THADA: variants seen among roughly 807,000 people sequenced by gnomAD.
THADA encodes THADA armadillo repeat containing.
Under a neutral mutation model 219.8 loss-of-function variants are expected in THADA, and 213 were observed. The observed-to-expected ratio is 0.97, with a 90% CI of 0.87 to 1.09. The LOEUF is 1.09. Ranked by LOEUF, THADA falls within the 50% of genes least tolerant of loss-of-function variation. THADA has a pLI of 0.00. For missense variants in THADA, 2,956 were observed against 2,311.3 expected, an observed-to-expected ratio of 1.28 and a Z score of -5.72; for synonymous variants, 1,018 against 828.9, an observed-to-expected ratio of 1.23 and a Z score of -3.92.
intron 28 of THADA, among the ~76,000 whole-genome samples, chr2:43,425,169 C>T (rs1678248806): frequency 1.3e-5 from 2 of 152,182 alleles, no homozygotes; most frequent in African/African-American, 4.8e-5. Context: ...AATTCTAGCT[C>T]TGTAACTGCC....
chr2:43,308,300 A>T (rs1677087398), intron 31 of THADA, among the ~76,000 whole-genome samples: 1 of 152,242 alleles, frequency 6.6e-6, no homozygotes, highest in African/African-American at 2.4e-5. Context: ...AAAAAAAAAG[A>T]ATGAGCATCA....
intron 29 of THADA, among the ~76,000 whole-genome samples, chr2:43,387,085 T>C (rs1672780528): frequency 2.0e-5 from 3 of 152,100 alleles, no homozygotes; most frequent in Admixed American, 6.6e-5. Context: ...TTAGAGAAGA[T>C]TCATTCACAC....
intron 12 of THADA, among the ~76,000 whole-genome samples, chr2:43,572,389 T>G (rs527364240): frequency 6.6e-6 from 1 of 152,344 alleles, no homozygotes; most frequent in East Asian, 1.9e-4. Context: ...AGCAATGTTC[T>G]TAATCATCCT....
At chr2:43,539,358 G>C (rs1278244307) in intron 21 of THADA, among the ~76,000 whole-genome samples, 1 of 152,182 alleles carries the variant, frequency 6.6e-6, no homozygotes, top group Non-Finnish European at 1.5e-5. Flanking sequence ...ACTCTTAAAG[G>C]TTTTAAGCAC....
At chr2:43,407,831 G>A (rs1675762427) in intron 28 of THADA, among the ~76,000 whole-genome samples, 1 of 151,856 alleles carries the variant, frequency 6.6e-6, no homozygotes. Context: ...AAATATATGT[G>A]GGTTTTCACT....
chr2:43,308,873 A>G (rs112388262), intron 31 of THADA, among the ~76,000 whole-genome samples: 48 of 151,878 alleles, frequency 3.2e-4, no homozygotes, highest in African/African-American at 1.1e-3. Flanking sequence ...ACAAAACTTT[A>G]GAAGAAGTTT....
chr2:43,516,784 T>G (rs923133166), intron 22 of THADA, among the ~76,000 whole-genome samples: 14 of 152,056 alleles, frequency 9.2e-5, no homozygotes, highest in Non-Finnish European at 1.8e-4. Context: ...CTATCAACTC[T>G]CTAATATTTG....
intron 15 of THADA, among the ~76,000 whole-genome samples, chr2:43,561,540 C>T (rs1431775881): frequency 2.0e-5 from 3 of 152,188 alleles, no homozygotes; most frequent in Non-Finnish European, 4.4e-5. Flanking sequence ...CACAAGTGAA[C>T]TCCTAATGAA....
intron 1 of THADA, chr2:43,593,032 A>G (rs1426796629): frequency 6.6e-6 from 1 of 152,242 alleles, no homozygotes; most frequent in Non-Finnish European, 1.5e-5. Context: ...GTACCATGCC[A>G]TCTGGAAAGA....
At chr2:43,231,384 A>ATC in intron 37 of THADA, 41 bp from the exon 38 acceptor site, 1 of 1,474,124 alleles carries the variant, frequency 6.8e-7, no homozygotes. Context: ...CTTACAGGGA[A>ATC]TGGTGACAAG....
intron 26 of THADA, among the ~76,000 whole-genome samples, chr2:43,431,079 T>C (rs866896806): frequency 3.9e-5 from 6 of 152,190 alleles, no homozygotes; most frequent in African/African-American, 1.4e-4. Flanking sequence ...TCAAGCTAAA[T>C]ATGGCATTTA....
Position 43,560,338 on chromosome 2 carries a change from G to A in THADA, c.2359C>T (p.Arg787Cys), listed in dbSNP as rs1486748456. ...YQLSHDIDVG[R>C]FQTLMECFTS... ...AAACATTCCATTAGTGTTTGGAAAC[G>A]ACCAACATCAATATCATGACTCAGC... Residue 787 changes from arginine to cysteine, a missense_variant, in exon 16 of 38, where the codon CGT (arginine) becomes TGT (cysteine). Transcript: ENST00000405975. 4.3e-6 allele frequency: 7 copies of A among 1,611,698 alleles called. No homozygotes were observed. Among genetic ancestry groups the A allele is most frequent in the Non-Finnish European group, 3.4e-6 (4 of 1,178,786 alleles).
At chr2:43,458,503 T>C (rs1683271784) in intron 26 of THADA, among the ~76,000 whole-genome samples, 1 of 152,168 alleles carries the variant, frequency 6.6e-6, no homozygotes, top group South Asian at 2.1e-4. Flanking sequence ...ACCATTAGGA[T>C]CAAATGAGAT....
At chr2:43,363,591 A>G (rs1178947149) in intron 29 of THADA, among the ~76,000 whole-genome samples, 1 of 152,210 alleles carries the variant, frequency 6.6e-6, no homozygotes, top group Non-Finnish European at 1.5e-5. Context: ...GGATGTCTTC[A>G]ACTTTGGTTA....
rs78258655 is a variant in THADA, at chr2:43,473,452, C to A, written c.3836+11782G>T. Among the ~76,000 whole-genome samples, 1,516 of 152,118 alleles carry A rather than the reference C, an allele frequency of 1.0e-2. 29 individuals carry two copies. The highest frequency in any genetic ancestry group is 0.034 in the African/African-American group (1,411 of 41,500). On this transcript the variant is annotated intron_variant, in intron 26 of 37. Transcript: ENST00000405975. ...GAGAACGACACCCTCTTCTGGATAC[C>A]CCCGAAGGACCCGCCCGAGCCAGTT...
intron 15 of THADA, 29 bp downstream of exon 15, chr2:43,566,669 T>C (rs1320039090): frequency 6.2e-7 from 1 of 1,606,748 alleles, no homozygotes; most frequent in South Asian, 1.1e-5. Flanking sequence ...AAACAAAAAT[T>C]ACTTCCCCTA....
At chr2:43,523,822 A>C (rs964538885) in intron 22 of THADA, among the ~76,000 whole-genome samples, 2 of 152,242 alleles carry the variant, frequency 1.3e-5, no homozygotes, top group African/African-American at 4.8e-5. Context: ...TTGAAGAGTA[A>C]GACAACATCA....
At chr2:43,460,866 A>C (rs773525298) in intron 26 of THADA, among the ~76,000 whole-genome samples, 89 of 152,336 alleles carry the variant, frequency 5.8e-4, no homozygotes, top group Non-Finnish European at 1.1e-3. Context: ...ATGTTGACAG[A>C]TTTGGAAAAG....
chr2:43,589,580 T>C (rs1193933229), intron 4 of THADA, among the ~76,000 whole-genome samples: 1 of 152,168 alleles, frequency 6.6e-6, no homozygotes, highest in African/African-American at 2.4e-5. Flanking sequence ...CACTTAAAAA[T>C]GGTTAAGACT....
Sources: gnomAD v4.1 joint callset for allele counts (sites outside exome capture counted in the v4.1 genomes callset) on GRCh38, gnomAD v4.1.1 for gene constraint, MANE v1.5 for transcripts, NCBI Gene and HGNC (gene_info 2026-07-23, HGNC 2026-07-21) for gene names.